COMMD5: variants seen among roughly 807,000 people sequenced by gnomAD.
COMMD5 encodes the protein COMM domain-containing protein 5.
In COMMD5, 10 loss-of-function variants were observed where a neutral mutation model predicts 6.9. The ratio of observed to expected loss-of-function variants is 1.44; its 90% CI spans 0.89 to 2.45. The LOEUF is 2.45. Ranked by LOEUF, COMMD5 falls within the 30% of genes most tolerant of loss-of-function variation. The probability of loss-of-function intolerance (pLI) is 0.00; values close to 1 mark genes in which losing one functional copy is unlikely to be tolerated. For synonymous variants in COMMD5, 127 were observed against 125.3 expected (o/e 1.01, Z -0.09); for missense variants, 234 against 287.8 (o/e 0.81, Z 1.35).
intron 1 of COMMD5, among the ~76,000 whole-genome samples, chr8:144,851,961 G>C (rs1308051242): frequency 6.6e-6 from 1 of 152,014 alleles, no homozygotes; most frequent in Non-Finnish European, 1.5e-5. Context: ...ATCATAGCAA[G>C]ACCCCGTTTC....
chr8:144,839,030 C>T (rs1041185583), downstream of COMMD5, among the ~76,000 whole-genome samples: 7 of 142,764 alleles, frequency 4.9e-5, no homozygotes, highest in Admixed American at 2.1e-4. Flanking sequence ...CATTCATATG[C>T]GCCTAGGGGC....
At chr8:144,841,199 C>A in exon 2 of COMMD5, 1 of 744,662 alleles carries the variant, frequency 1.3e-6, no homozygotes, top group Non-Finnish European at 2.2e-6. Flanking sequence ...TGAGAACTGT[C>A]AAAGGCTCTG....
downstream of COMMD5, among the ~76,000 whole-genome samples, chr8:144,840,302 C>T (rs147451655): frequency 2.7e-3 from 412 of 152,346 alleles, 3 homozygotes; most frequent in African/African-American, 9.2e-3. Context: ...TGCTCTGATT[C>T]TCCAGGACTG....
downstream of COMMD5, among the ~76,000 whole-genome samples, chr8:144,845,518 T>C (rs563870679): frequency 2.0e-5 from 3 of 152,296 alleles, no homozygotes; most frequent in South Asian, 4.1e-4. Flanking sequence ...TGATGCTTTT[T>C]TGCTGAAATT....
Position 144,851,186 on chromosome 8 carries a change from C to G in COMMD5, c.153G>C (p.Leu51Phe), listed in dbSNP as rs747994747. 1.2e-6 allele frequency: 2 copies of G among 1,613,842 alleles called. No homozygotes were observed. Among genetic ancestry groups the G allele is most frequent in the Admixed American group, 3.3e-5 (2 of 60,032 alleles). ...GDLDRSTFRK[L>F]LKFVVSSLQG... Reference sequence around the variant, plus strand: ...GCAGGCTGCTGACCACAAACTTCAGCAACTTTCTGAACGTGCTCCTGTCTA... The same window carrying G: ...GCAGGCTGCTGACCACAAACTTCAGGAACTTTCTGAACGTGCTCCTGTCTA... Residue 51 changes from leucine (L) to phenylalanine (F), a missense_variant, in exon 2 of 2, where the codon TTG (leucine) becomes TTC (phenylalanine). By Grantham distance (22) the Leu-to-Phe change is conservative. Transcript: ENST00000305103.
chr8:144,838,201 G>A (rs779720009), downstream of COMMD5: 43 of 698,448 alleles, frequency 6.2e-5, no homozygotes, highest in South Asian at 2.8e-4. Context: ...TTCTCCCTGC[G>A]TGTCTGTGTT....
At chr8:144,838,294 C>G (rs568673197), downstream of COMMD5, 1 of 585,886 alleles carries the variant, frequency 1.7e-6, no homozygotes, top group Non-Finnish European at 3.1e-6. Context: ...AATTAATCTG[C>G]AACGACTGTG....
chr8:144,844,709 CAAAA>C (rs71320849), intron 1 of COMMD5, among the ~76,000 whole-genome samples: 9 of 88,640 alleles, frequency 1.0e-4, no homozygotes, highest in Non-Finnish European at 1.4e-4. Flanking sequence ...GACTCTGTAT[CAAAA>C]AAAAAAAAAA....
chr8:144,845,912 T>C (rs1044046251), downstream of COMMD5: 2 of 1,476,004 alleles, frequency 1.4e-6, no homozygotes, highest in African/African-American at 1.4e-5. Context: ...TGGCAGGTAA[T>C]GTGCTTAGCC....
At chr8:144,845,243 G>A (rs1292395042), downstream of COMMD5, among the ~76,000 whole-genome samples, 2 of 152,082 alleles carry the variant, frequency 1.3e-5, no homozygotes, top group Non-Finnish European at 1.5e-5. Context: ...AATACTCACT[G>A]TGGTTGTCAG....
downstream of COMMD5, chr8:144,846,172 G>A: frequency 1.3e-6 from 2 of 1,536,012 alleles, no homozygotes; most frequent in South Asian, 1.2e-5. Flanking sequence ...CCATATGGAT[G>A]GTCTGAAAAT....
At chr8:144,838,378 C>T (rs1353757434), downstream of COMMD5, 72 of 498,120 alleles carry the variant, frequency 1.4e-4, no homozygotes, top group South Asian at 2.2e-3. Flanking sequence ...CAGCCCTAAC[C>T]AGGGCACCCA....
chr8:144,844,506 G>A (rs2953889), intron 1 of COMMD5, among the ~76,000 whole-genome samples: 1 of 151,578 alleles, frequency 6.6e-6, no homozygotes, highest in Non-Finnish European at 1.5e-5. Flanking sequence ...GTCAGGAGAT[G>A]AAGACCATCC....
downstream of COMMD5, chr8:144,838,208 T>C (rs1829311635): frequency 1.4e-6 from 1 of 696,654 alleles, no homozygotes; most frequent in Non-Finnish European, 2.6e-6. Context: ...TGCGTGTCTG[T>C]GTTCATGTGG....
At chr8:144,847,577 C>T (rs892293297), downstream of COMMD5, 2 of 152,232 alleles carry the variant, frequency 1.3e-5, no homozygotes, top group African/African-American at 2.4e-5. Flanking sequence ...TTGAAACTAT[C>T]TGGACCTTTC....
intron 1 of COMMD5, chr8:144,842,263 G>A: frequency 2.5e-6 from 4 of 1,614,092 alleles, no homozygotes; most frequent in Non-Finnish European, 3.4e-6. Context: ...GATGCATACT[G>A]GGGAGAAAGC....
chr8:144,841,624 G>A, exon 2 of COMMD5: 1 of 1,614,234 alleles, frequency 6.2e-7, no homozygotes, highest in Non-Finnish European at 8.5e-7. Flanking sequence ...GGGATGTAAG[G>A]AGCTGGGAAG....
At chr8:144,847,768 C>T (rs1247715722), downstream of COMMD5, among the ~76,000 whole-genome samples, 1 of 152,212 alleles carries the variant, frequency 6.6e-6, no homozygotes. Context: ...AGAGGGAAAT[C>T]ACCAGCAAGT....
At position 144,850,675 on chromosome 8, in the gene COMMD5, G is replaced by A. The variant is rs1466634115; in HGVS notation, c.664C>T (p.Leu222=). Residue 222 remains leucine, a synonymous_variant, in exon 2 of 2, where the codon CTG becomes TTG. Coordinates refer to ENST00000305103, the MANE Select transcript of COMMD5 (RefSeq NM_014066.4). This position sits in a 1 kb window ranked among gnomAD's most constrained non-coding sequence, Gnocchi z 4.0. ...GGTCAAGTGAGGGGTCAGTCCTGCA[G>A]TCTGCGCTCACACCTCTTCTCCAGA... ...ADLEKRCERR[L]QD is the part of the protein sequence containing the mutation. 6.2e-7 allele frequency: 1 copy of A among 1,613,310 alleles called. No individual in the cohort carries two copies. The highest frequency in any genetic ancestry group is 1.7e-5 in the Admixed American group (1 of 60,024).
Sources: allele counts gnomAD v4.1 joint callset (sites outside exome capture counted in the v4.1 genomes callset), GRCh38; gene constraint gnomAD v4.1.1; non-coding constraint Gnocchi (gnomAD v3.1); transcripts MANE v1.5; gene names NCBI Gene and HGNC (gene_info 2026-07-23, HGNC 2026-07-21).